The following SULF1 variants were observed in gnomAD, a reference collection of about 807,000 sequenced individuals.
SULF1 encodes sulfatase 1.
SULF1 carries 46 observed loss-of-function variants against 110.5 expected under a neutral mutation model. That is an observed-to-expected ratio of 0.42 (90% CI 0.33 to 0.53). The LOEUF (loss-of-function observed/expected upper bound fraction) is 0.53. SULF1 is among the 20% of genes least tolerant of loss of function. The probability of loss-of-function intolerance (pLI) is 0.12; values close to 1 mark genes in which losing one functional copy is unlikely to be tolerated. For synonymous variants in SULF1, 371 were observed against 387.1 expected (o/e 0.96, Z 0.49); for missense variants, 941 against 1,094.2 (o/e 0.86, Z 1.98).
At chr8:69,603,494 A>G (rs1807994770) in intron 11 of SULF1, 106 bp from the exon 12 acceptor site, 3 of 1,319,222 alleles carry the variant, frequency 2.3e-6, no homozygotes, top group Non-Finnish European at 3.3e-6. Context: ...AGATGCACTC[A>G]TGGTCTGTGG....
At chr8:69,552,496 G>T (rs544965906) in intron 3 of SULF1, among the ~76,000 whole-genome samples, 41 of 152,152 alleles carry the variant, frequency 2.7e-4, no homozygotes, top group Non-Finnish European at 5.3e-4. Context: ...TTCTGATTTG[G>T]ATTTAGTCCA....
intron 3 of SULF1, among the ~76,000 whole-genome samples, chr8:69,524,128 G>A (rs1250061409): frequency 1.3e-5 from 2 of 150,666 alleles, no homozygotes; most frequent in Non-Finnish European, 2.9e-5. Flanking sequence ...AGAGATTTGA[G>A]GTGGACAATA....
At chr8:69,633,328 CT>C (rs200590898) in intron 19 of SULF1, among the ~76,000 whole-genome samples, 18,454 of 133,948 alleles carry the variant, frequency 0.14, 1,457 homozygotes, top group African/African-American at 0.27. Flanking sequence ...TCAGGACATT[CT>C]TTTTTTTTTT....
At chr8:69,467,320 CT>C (rs1329022662) in intron 1 of SULF1, among the ~76,000 whole-genome samples, 1 of 152,194 alleles carries the variant, frequency 6.6e-6, no homozygotes, top group Non-Finnish European at 1.5e-5. Context: ...TTGCATTTTA[CT>C]GCTCAATTTA....
intron 1 of SULF1, among the ~76,000 whole-genome samples, chr8:69,482,635 T>C (rs1199707480): frequency 1.3e-5 from 2 of 152,036 alleles, no homozygotes; most frequent in African/African-American, 4.8e-5. Flanking sequence ...AGGCAAGACA[T>C]TGGGGCAAGT....
intron 3 of SULF1, chr8:69,563,270 G>T (rs1276417054): frequency 2.6e-5 from 4 of 152,236 alleles, no homozygotes; most frequent in East Asian, 1.9e-4. Context: ...CTCTGTTGGG[G>T]ATGTGTAAAG....
At chr8:69,622,718 G>A (rs1809711393) in intron 14 of SULF1, among the ~76,000 whole-genome samples, 1 of 152,310 alleles carries the variant, frequency 6.6e-6, no homozygotes, top group South Asian at 2.1e-4. Context: ...CCCAGGCACT[G>A]GGCATAAGGC....
chr8:69,650,367 C>G (rs1004916044), intron 22 of SULF1, among the ~76,000 whole-genome samples: 2 of 152,120 alleles, frequency 1.3e-5, no homozygotes, highest in African/African-American at 4.8e-5. Context: ...TATGGAGGCT[C>G]ACACCTGTAA....
intron 22 of SULF1, among the ~76,000 whole-genome samples, chr8:69,655,081 G>A (rs1812618571): frequency 6.6e-6 from 1 of 152,188 alleles, no homozygotes; most frequent in African/African-American, 2.4e-5. Context: ...ACAAAACCCA[G>A]CCTGGGGTAA....
At chr8:69,482,364 C>T (rs1649007867) in intron 1 of SULF1, among the ~76,000 whole-genome samples, 1 of 152,140 alleles carries the variant, frequency 6.6e-6, no homozygotes, top group African/African-American at 2.4e-5. Context: ...TTTCAACATG[C>T]CTTTAAACAT....
chr8:69,574,930 G>GC (rs1009229985), intron 5 of SULF1, among the ~76,000 whole-genome samples: 1 of 152,162 alleles, frequency 6.6e-6, no homozygotes, highest in Admixed American at 6.6e-5. Flanking sequence ...ACTGTTGCAT[G>GC]CTTCTCTTCT....
chr8:69,638,366 A>G (rs1811212125), intron 19 of SULF1, 136 bp from the exon 20 acceptor site: 1 of 1,055,604 alleles, frequency 9.5e-7, no homozygotes. Flanking sequence ...TATTATTCTT[A>G]ACATGAAACC....
intron 6 of SULF1, among the ~76,000 whole-genome samples, chr8:69,583,763 T>G (rs1412992376): frequency 6.6e-6 from 1 of 152,120 alleles, no homozygotes; most frequent in Non-Finnish European, 1.5e-5. Context: ...TCAAAAAGCT[T>G]ACAGTCTAGC....
intron 3 of SULF1, among the ~76,000 whole-genome samples, chr8:69,558,277 C>T (rs551425233): frequency 7.1e-4 from 108 of 152,290 alleles, no homozygotes; most frequent in Non-Finnish European, 1.3e-3. Context: ...AATTCTACTT[C>T]GCTTGCCTCT....
At chr8:69,537,166 A>G (rs1813479301) in intron 3 of SULF1, among the ~76,000 whole-genome samples, 1 of 152,008 alleles carries the variant, frequency 6.6e-6, no homozygotes, top group South Asian at 2.1e-4. Context: ...AGAGAGTGAA[A>G]CCCTCCAGCT....
chr8:69,476,589 G>A (rs901305196), intron 1 of SULF1, among the ~76,000 whole-genome samples: 14 of 152,134 alleles, frequency 9.2e-5, no homozygotes, highest in Non-Finnish European at 1.5e-4. Context: ...CAGCATTTTC[G>A]TTCCTCAAAA....
At chr8:69,483,604 C>G (rs1221190545) in intron 1 of SULF1, among the ~76,000 whole-genome samples, 1 of 152,078 alleles carries the variant, frequency 6.6e-6, no homozygotes. Context: ...TTCTAGGGCT[C>G]GTATTATATT....
intron 12 of SULF1, 138 bp from the exon 13 acceptor site, chr8:69,604,665 A>G: frequency 2.7e-6 from 3 of 1,108,452 alleles, no homozygotes; most frequent in Non-Finnish European, 3.9e-6. Context: ...ACTCCTGTAG[A>G]CAGAGCTTTA....
chr8:69,492,060 G>A (rs902713059), upstream of SULF1, among the ~76,000 whole-genome samples: 2 of 152,020 alleles, frequency 1.3e-5, no homozygotes, highest in Non-Finnish European at 2.9e-5. Context: ...AGGCGGGAGG[G>A]CGGGATGGGA....
Sources: gnomAD v4.1 joint callset for allele counts (sites outside exome capture counted in the v4.1 genomes callset) on GRCh38, gnomAD v4.1.1 for gene constraint, MANE v1.5 for transcripts, NCBI Gene and HGNC (gene_info 2026-07-23, HGNC 2026-07-21) for gene names.